PALLD: variants seen among roughly 807,000 people sequenced by gnomAD.
The protein encoded by PALLD is palladin, cytoskeletal associated protein.
PALLD carries 61 observed loss-of-function variants against 123.5 expected under a neutral mutation model. That is an observed-to-expected ratio of 0.49 (90% confidence interval 0.40 to 0.61). The LOEUF (loss-of-function observed/expected upper bound fraction) is 0.61, where lower values mean the gene tolerates loss of function less well. Among genes scored for constraint, PALLD ranks in the 20% least tolerant of loss-of-function variants. The probability of loss-of-function intolerance (pLI) is 0.00; values close to 1 mark genes in which losing one functional copy is unlikely to be tolerated. For synonymous variants in PALLD, 465 were observed against 496.4 expected (o/e 0.94, Z 0.84); for missense variants, 1,273 against 1,377.0 (o/e 0.92, Z 1.20).
intron 2 of PALLD, among the ~76,000 whole-genome samples, chr4:168,604,874 T>A (rs532515727): frequency 6.6e-6 from 1 of 152,356 alleles, no homozygotes; most frequent in Admixed American, 6.5e-5. Flanking sequence ...TGATAGAGTT[T>A]TCTGTAAAGC....
At chr4:168,587,131 C>T (rs1770910295) in intron 2 of PALLD, among the ~76,000 whole-genome samples, 1 of 152,096 alleles carries the variant, frequency 6.6e-6, no homozygotes, top group African/African-American at 2.4e-5. Flanking sequence ...ATTCTCCAGC[C>T]CAAAATGCCT....
At chr4:168,664,340 T>G (rs1779416927) in intron 2 of PALLD, among the ~76,000 whole-genome samples, 1 of 152,234 alleles carries the variant, frequency 6.6e-6, no homozygotes, top group Non-Finnish European at 1.5e-5. Flanking sequence ...TATACCTTAA[T>G]ACTGGCAGAA....
rs965641965 is a variant in PALLD at position 168,926,502 on chromosome 4, A to AAAC, written c.*324_*325insCAA. 2 of 717,646 alleles carry AAAC rather than the reference A, an allele frequency of 2.8e-6. No homozygotes were observed. Among genetic ancestry groups the AAAC allele is most frequent in the Admixed American group, 3.1e-5 (1 of 32,424 alleles). 44.5% of individuals were successfully genotyped at this position (717,646 alleles called of 1,614,324 possible). On this transcript the variant is annotated 3_prime_UTR_variant, in exon 22 of 22. Transcript: ENST00000505667. ...CCTTTGACTATAAGAAATTAAAAAA[A>AAAC]AAACACCAAAATAATATTTTTCTTA...
At chr4:168,763,864 C>T (rs145536634) in intron 10 of PALLD, among the ~76,000 whole-genome samples, 2 of 152,268 alleles carry the variant, frequency 1.3e-5, no homozygotes, top group Admixed American at 1.3e-4. Context: ...TGCCTGTTTC[C>T]TCCCCAAGCG....
intron 1 of PALLD, among the ~76,000 whole-genome samples, chr4:168,502,716 A>C (rs1219759732): frequency 6.6e-6 from 1 of 152,112 alleles, no homozygotes; most frequent in Non-Finnish European, 1.5e-5. Context: ...CATAGGCGAA[A>C]AAGGGAGACC....
intron 10 of PALLD, among the ~76,000 whole-genome samples, chr4:168,873,152 A>G (rs1295137429): frequency 6.6e-6 from 1 of 152,196 alleles, no homozygotes; most frequent in Admixed American, 6.5e-5. Flanking sequence ...GATGAACCCA[A>G]TGGGGTACAG....
intron 21 of PALLD, among the ~76,000 whole-genome samples, chr4:168,925,964 TAAAAAA>T (rs11357121): frequency 2.0e-5 from 3 of 150,132 alleles, no homozygotes; most frequent in African/African-American, 7.3e-5. Context: ...AGTGTTTACT[TAAAAAA>T]AAAAAAGATA....
intron 3 of PALLD, among the ~76,000 whole-genome samples, chr4:168,677,503 G>A (rs926753551): frequency 3.9e-5 from 6 of 152,074 alleles, no homozygotes; most frequent in Non-Finnish European, 8.8e-5. Context: ...GTCATCAGAA[G>A]GAATTTTTTG....
intron 10 of PALLD, among the ~76,000 whole-genome samples, chr4:168,735,898 T>C (rs1476432863): frequency 6.6e-6 from 1 of 152,182 alleles, no homozygotes; most frequent in Non-Finnish European, 1.5e-5. Flanking sequence ...ATTACTTTCA[T>C]TGCCACTCTG....
At chr4:168,507,190 G>A (rs1762091291) in intron 1 of PALLD, among the ~76,000 whole-genome samples, 1 of 152,132 alleles carries the variant, frequency 6.6e-6, no homozygotes. Flanking sequence ...AAAAAAACTT[G>A]TTCCTCCACT....
intron 10 of PALLD, among the ~76,000 whole-genome samples, chr4:168,798,747 T>TGTTAAG (rs1371521918): frequency 5.3e-5 from 8 of 152,222 alleles, no homozygotes; most frequent in Non-Finnish European, 1.0e-4. Flanking sequence ...TTTAAATTTT[T>TGTTAAG]TCAAAATATA....
At chr4:168,846,645 ACT>A (rs1746895233) in intron 10 of PALLD, among the ~76,000 whole-genome samples, 1 of 152,218 alleles carries the variant, frequency 6.6e-6, no homozygotes, top group South Asian at 2.1e-4. Context: ...AATTAAGGTG[ACT>A]GATTACCATT....
At chr4:168,750,823 A>G (rs561475105) in intron 10 of PALLD, among the ~76,000 whole-genome samples, 1 of 152,248 alleles carries the variant, frequency 6.6e-6, no homozygotes, top group African/African-American at 2.4e-5. Context: ...TAATACTTCT[A>G]ACTGGAATTG....
intron 14 of PALLD, among the ~76,000 whole-genome samples, chr4:168,903,180 A>T (rs938470967): frequency 1.3e-5 from 2 of 152,172 alleles, no homozygotes; most frequent in Non-Finnish European, 2.9e-5. Flanking sequence ...CTTTGATCAT[A>T]TGCTTCCTGG....
chr4:168,762,985 T>C (rs1212696472), intron 10 of PALLD, among the ~76,000 whole-genome samples: 1 of 151,984 alleles, frequency 6.6e-6, no homozygotes, highest in African/African-American at 2.4e-5. Context: ...TGAGAACACA[T>C]GGACACAGGG....
chr4:168,888,082 G>A (rs962583795), intron 10 of PALLD, among the ~76,000 whole-genome samples: 2 of 152,168 alleles, frequency 1.3e-5, no homozygotes, highest in African/African-American at 2.4e-5. Context: ...AGGAGTAGGA[G>A]GGGAGAGAGG....
chr4:168,689,416 C>T (rs1306138818), intron 6 of PALLD, among the ~76,000 whole-genome samples: 1 of 134,040 alleles, frequency 7.5e-6, no homozygotes, highest in Non-Finnish European at 1.6e-5. Context: ...CTACACCTTA[C>T]ATTCGATCCA....
intron 18 of PALLD, 120 bp downstream of exon 18, chr4:168,921,861 A>G: frequency 1.2e-6 from 1 of 828,868 alleles, no homozygotes; most frequent in East Asian, 2.6e-5. Flanking sequence ...AGATTGTATC[A>G]TCAAAATAGC....
chr4:168,926,469 G>A lies in PALLD; in HGVS notation c.*289G>A. Reference sequence around the variant, plus strand: ...CCTTTGTCACATTATGTAAAAGGCAGAAACATACCTTTGACTATAAGAAAT... The same window carrying A: ...CCTTTGTCACATTATGTAAAAGGCAAAAACATACCTTTGACTATAAGAAAT... On this transcript the variant is annotated 3_prime_UTR_variant, in exon 22 of 22. Transcript: ENST00000505667. The A allele has an allele frequency of 2.2e-6, 2 of 906,850 alleles. No individual in the cohort carries two copies. Among genetic ancestry groups the A allele is most frequent in the South Asian group, 1.8e-5 (1 of 55,816 alleles). 56.2% of individuals were successfully genotyped at this position (906,850 alleles called of 1,614,324 possible). A position where few individuals can be genotyped will look rare whatever the true frequency, so the allele number is the denominator to read the frequency against.
Sources: allele counts gnomAD v4.1 joint callset (sites outside exome capture counted in the v4.1 genomes callset), GRCh38; gene constraint gnomAD v4.1.1; transcripts MANE v1.5; gene names NCBI Gene and HGNC (gene_info 2026-07-23, HGNC 2026-07-21).